Variants in LAMA4 observed in about 807,000 individuals in gnomAD.
The protein encoded by LAMA4 is laminin subunit alpha-4.
A neutral mutation model predicts 207.1 loss-of-function variants in LAMA4; 127 were observed. The observed-to-expected ratio is 0.61, with a 90% CI of 0.53 to 0.71. The LOEUF (loss-of-function observed/expected upper bound fraction) is 0.71. Ranked by LOEUF, LAMA4 falls within the 30% of genes least tolerant of loss-of-function variation. The pLI is 0.00. For synonymous variants in LAMA4, 761 were observed against 816.0 expected, an observed-to-expected ratio of 0.93 and a Z score of 1.15; for missense variants, 2,093 against 2,246.5, an observed-to-expected ratio of 0.93 and a Z score of 1.38.
At chr6:112,222,712 G>A (rs1245903280) in intron 2 of LAMA4, among the ~76,000 whole-genome samples, 1 of 152,172 alleles carries the variant, frequency 6.6e-6, no homozygotes, top group African/African-American at 2.4e-5. Flanking sequence ...TCAAATAACA[G>A]TCCCTGAACC....
rs145912332 is a variant in LAMA4, at chr6:112,113,976, A to G, written c.5326+100T>C. 11,573 of 1,345,414 alleles carry G rather than the reference A, an allele frequency of 8.6e-3. 79 individuals carry two copies. Among genetic ancestry groups the G allele is most frequent in the Middle Eastern group, 0.018 (98 of 5,544 alleles). 83.3% of individuals were successfully genotyped at this position (1,345,414 alleles called of 1,614,324 possible). ...CACTGTATATAAAATCCTTTGAGTA[A>G]CTAGGTGCATCATAAAAACACATGG... On this transcript the variant is annotated intron_variant, in intron 38 of 38. Transcript: ENST00000230538.
At chr6:112,244,975 A>T (rs1322020458) in intron 2 of LAMA4, among the ~76,000 whole-genome samples, 1 of 152,152 alleles carries the variant, frequency 6.6e-6, no homozygotes, top group Admixed American at 6.5e-5. Context: ...AACAATATAA[A>T]ATGAGGCAAT....
chr6:112,231,208 G>A (rs1554364328), intron 2 of LAMA4, among the ~76,000 whole-genome samples: 1 of 151,968 alleles, frequency 6.6e-6, no homozygotes, highest in East Asian at 1.9e-4. Context: ...TTTTTTCTCA[G>A]GAAAGTGCCA....
chr6:112,226,709 GT>G (rs1554362656), intron 2 of LAMA4, among the ~76,000 whole-genome samples: 1 of 152,184 alleles, frequency 6.6e-6, no homozygotes, highest in African/African-American at 2.4e-5. Flanking sequence ...AGAAAAATGG[GT>G]TTGAATTGGT....
Position 112,129,981 on chromosome 6 carries a change from A to G in LAMA4, c.4028T>C (p.Ile1343Thr). ...CTTTTCACTTGCTTGTGTCTGTTCT[A>G]TTTTCCCTTTGGTAGGATTCTTACT... ...VGSKNPTKGK[I>T]EQTQASEKKF... The change falls in exon 30 of 39, where the codon ATA (isoleucine) becomes ACA (threonine). Residue 1343 changes from isoleucine (I) to threonine (T), a missense_variant. Ile to Thr is a moderately conservative substitution (Grantham distance 89). This residue lies in a region of LAMA4 where 1,704 missense variants were observed against 1,788.4 expected (regional missense o/e 0.95). Coordinates refer to ENST00000230538, the MANE Select transcript of LAMA4 (RefSeq NM_001105206.3). 1 of 1,613,190 alleles carries G rather than the reference A, an allele frequency of 6.2e-7. No homozygotes were observed. The highest frequency in any genetic ancestry group is 8.5e-7 in the Non-Finnish European group (1 of 1,179,482).
chr6:112,225,227 C>T (rs1785148133), intron 2 of LAMA4, among the ~76,000 whole-genome samples: 2 of 152,082 alleles, frequency 1.3e-5, no homozygotes, highest in South Asian at 2.1e-4. Flanking sequence ...TAGACAAGCC[C>T]ATCTCCAATT....
intron 12 of LAMA4, among the ~76,000 whole-genome samples, chr6:112,167,895 G>T (rs1781476228): frequency 7.5e-6 from 1 of 133,060 alleles, no homozygotes; most frequent in African/African-American, 2.9e-5. Flanking sequence ...CACACACACA[G>T]AGTTATGCAT....
At position 112,150,595 on chromosome 6, in the gene LAMA4, G is replaced by A. The variant is rs181358096; in HGVS notation, c.2089C>T (p.Arg697Cys). ...TTCCTTGCTAGGGCTCCACCCACAC[G>A]CCTGCTAGTGTCAGCCACTGCTTCA... ...SDEAVADTSR[R>C]VGGALARKSA... The change falls in exon 17 of 39, where the codon CGT becomes TGT. Residue 697 changes from arginine to cysteine, a missense_variant. Physicochemically the swap from Arg to Cys is radical, Grantham distance 180. This residue lies in a region of LAMA4 where 1,704 missense variants were observed against 1,788.4 expected (regional missense o/e 0.95). Coordinates refer to ENST00000230538, the MANE Select transcript of LAMA4 (RefSeq NM_001105206.3). The A allele has an allele frequency of 3.7e-6, 6 of 1,613,882 alleles. No homozygotes were observed. Among genetic ancestry groups the A allele is most frequent in the South Asian group, 2.2e-5 (2 of 91,064 alleles).
chr6:112,153,535 A>G (rs1780520039), intron 16 of LAMA4, among the ~76,000 whole-genome samples: 2 of 152,134 alleles, frequency 1.3e-5, no homozygotes, highest in African/African-American at 2.4e-5. Flanking sequence ...TTAAATTTAA[A>G]ATAGAAAAGT....
In LAMA4 at chr6:112,133,789, C is replaced by T. The variant is rs117675557; in HGVS notation, c.3558-302G>A. 0.022 allele frequency among the ~76,000 whole-genome samples: 3,317 copies of T among 152,040 alleles called. 51 individuals are homozygous for T. Among genetic ancestry groups the T allele is most frequent in the Middle Eastern group, 0.041 (12 of 294 alleles). On this transcript the variant is annotated intron_variant, in intron 26 of 38. Transcript: ENST00000230538. ...GATGCTATGATTTCCCTTTAGCAGA[C>T]GATTATTAGGTTGAATCATAGGAAC... is the stretch of plus-strand genomic sequence containing the variant.
intron 2 of LAMA4, among the ~76,000 whole-genome samples, chr6:112,226,238 C>T (rs1163317982): frequency 6.6e-6 from 1 of 152,154 alleles, no homozygotes; most frequent in African/African-American, 2.4e-5. Context: ...TACTTTGAAC[C>T]TCTCAGTGGC....
chr6:112,120,402 C>A lies in LAMA4; in HGVS notation c.4546G>T (p.Glu1516Ter). 3.7e-6 allele frequency: 6 copies of A among 1,613,984 alleles called. No homozygotes were observed. The highest frequency in any genetic ancestry group is 4.2e-6 in the Non-Finnish European group (5 of 1,179,892). ...GMIFYVSDQE[E>*]NDFMTLFLAH... ...AAAAATAGAGTCATGAAGTCATTCT[C>A]TTCTTGATCTGAGACATAGAAGATC... Residue 1516 changes from glutamate to a stop codon, truncating the protein, a stop_gained, in exon 33 of 39, where the codon GAG becomes TAG. Transcript: ENST00000230538. LOFTEE classifies it high-confidence loss of function.
chr6:112,136,140 C>A lies in LAMA4; in HGVS notation c.3397G>T (p.Asp1133Tyr). 6.2e-7 allele frequency: 1 copy of A among 1,612,964 alleles called. No homozygotes were observed. Among genetic ancestry groups the A allele is most frequent in the Non-Finnish European group, 8.5e-7 (1 of 1,179,628 alleles). ...EDTLKKAQIN[D>Y]AKYHEISIIY... is the part of the protein sequence containing the mutation. ...ATTTGTACCTCATGGTATTTTGCAT[C>A]ATTAATTTGAGCTTTCTTTAACGTA... is the stretch of plus-strand genomic sequence containing the variant. The change falls in exon 25 of 39, where the codon GAT (aspartate) becomes TAT (tyrosine). Residue 1133 changes from aspartate (D) to tyrosine (Y), a missense_variant. This residue lies in a region of LAMA4 where 1,704 missense variants were observed against 1,788.4 expected (regional missense o/e 0.95). Transcript: ENST00000230538.
intron 2 of LAMA4, among the ~76,000 whole-genome samples, chr6:112,239,059 G>A (rs1786160364): frequency 6.6e-6 from 1 of 152,158 alleles, no homozygotes; most frequent in African/African-American, 2.4e-5. Context: ...GGTGGCTCAT[G>A]CCTGTAATCC....
rs117105224 is a variant in LAMA4, at chr6:112,206,661, T to A, written c.422+360A>T. ...TGAAAGTCAGAAGAGGCAATATTAC[T>A]GAAAATATGATATTATAATGAGTCT... On this transcript the variant is annotated intron_variant, in intron 4 of 38. Coordinates refer to ENST00000230538, the MANE Select transcript of LAMA4 (RefSeq NM_001105206.3). Among the ~76,000 whole-genome samples the A allele has an allele frequency of 2.8e-3, 424 of 152,324 alleles. 1 individual carries two copies. The highest frequency in any genetic ancestry group is 4.6e-3 in the Non-Finnish European group (314 of 68,038).
chr6:112,212,110 C>G (rs1401499665), intron 3 of LAMA4, among the ~76,000 whole-genome samples: 1 of 151,922 alleles, frequency 6.6e-6, no homozygotes, highest in Non-Finnish European at 1.5e-5. Flanking sequence ...GGGGGACCAG[C>G]AGAGTAATGC....
At chr6:112,110,500 A>C (rs782014922) in intron 38 of LAMA4, among the ~76,000 whole-genome samples, 7 of 152,218 alleles carry the variant, frequency 4.6e-5, no homozygotes, top group Non-Finnish European at 8.8e-5. Context: ...GAATATGCAG[A>C]AGCTGTGTAC....
chr6:112,167,932 G>A (rs1554340531), intron 12 of LAMA4, among the ~76,000 whole-genome samples: 1 of 151,452 alleles, frequency 6.6e-6, no homozygotes, highest in Admixed American at 6.6e-5. Context: ...ACTCCACCAG[G>A]CGCGGTGGCT....
Position 112,139,303 on chromosome 6 carries a change from A to G in LAMA4, c.3111-12T>C. On this transcript the variant is annotated splice_polypyrimidine_tract_variant and intron_variant, in intron 23 of 38. Transcript: ENST00000230538. Reference sequence around the variant, plus strand: ...AGGCCAGCTTATCTCTGAAATGGAAACACAACGGTCATTTGAACACTACAG... The same window carrying G: ...AGGCCAGCTTATCTCTGAAATGGAAGCACAACGGTCATTTGAACACTACAG... The G allele has an allele frequency of 6.2e-7, 1 of 1,614,090 alleles. No individual in the cohort carries two copies. The highest frequency in any genetic ancestry group is 8.5e-7 in the Non-Finnish European group (1 of 1,179,910).
Sources: allele counts gnomAD v4.1 joint callset (sites outside exome capture counted in the v4.1 genomes callset), GRCh38; gene constraint gnomAD v4.1.1; regional missense constraint gnomAD v4.1.1; transcripts MANE v1.5; gene names NCBI Gene and HGNC (gene_info 2026-07-23, HGNC 2026-07-21).